Variants in ADCY5 observed in about 807,000 individuals in gnomAD.
ADCY5 encodes the protein adenylate cyclase 5, also known as adenylate cyclase type 5.
ADCY5 carries 30 observed loss-of-function variants against 119.7 expected under a neutral mutation model. The observed-to-expected ratio is 0.25, with a 90% CI of 0.19 to 0.34. ADCY5 has a LOEUF of 0.34. ADCY5 is among the 10% of genes least tolerant of loss of function. The pLI is 1.00. For missense variants in ADCY5, 1,324 were observed against 1,775.2 expected (o/e 0.75, Z 4.57); for synonymous variants, 753 against 762.2 (o/e 0.99, Z 0.20).
intron 1 of ADCY5, among the ~76,000 whole-genome samples, chr3:123,445,491 C>T (rs1418660676): frequency 6.6e-6 from 1 of 152,144 alleles, no homozygotes. Context: ...GGATGACATG[C>T]CCCTTCCTCT....
At chr3:123,445,177 C>CTT (rs1213192828) in intron 1 of ADCY5, among the ~76,000 whole-genome samples, 1 of 152,192 alleles carries the variant, frequency 6.6e-6, no homozygotes, top group African/African-American at 2.4e-5. Context: ...ATCCTACAGC[C>CTT]TTGCAAAAGT....
chr3:123,447,330 G>T (rs751450328), intron 1 of ADCY5, 82 bp downstream of exon 1: 1 of 1,359,446 alleles, frequency 7.4e-7, no homozygotes, highest in Non-Finnish European at 9.7e-7. Context: ...TCGAAAGGGT[G>T]AGGGTGGGAT....
chr3:123,383,948 T>A (rs60496964), intron 1 of ADCY5, among the ~76,000 whole-genome samples: 1 of 148,696 alleles, frequency 6.7e-6, no homozygotes. Flanking sequence ...CACACCCTTC[T>A]GCAAGGCACG....
At position 123,352,322 on chromosome 3, in the gene ADCY5, T is replaced by G. The variant is rs1942865629; in HGVS notation, c.1284+110A>C. 7.4e-7 allele frequency: 1 copy of G among 1,354,738 alleles called. No individual in the cohort carries two copies. Among genetic ancestry groups the G allele is most frequent in the African/African-American group, 1.5e-5 (1 of 68,852 alleles). The allele number at this position is 1,354,738 out of a possible 1,614,324, so 83.9% of individuals were successfully genotyped here. A position where few individuals can be genotyped will look rare whatever the true frequency, so the allele number is the denominator to read the frequency against. On this transcript the variant is annotated intron_variant, in intron 2 of 20. Coordinates refer to ENST00000462833, the MANE Select transcript of ADCY5 (RefSeq NM_183357.3). This position sits in a 1 kb window ranked among gnomAD's most constrained non-coding sequence, Gnocchi z 4.8. ...CATGGGTTGGTCCCCTCCCGGGGAG[T>G]GGGGCTGGCAGCCGTAATAAGCACT...
intron 1 of ADCY5, among the ~76,000 whole-genome samples, chr3:123,384,537 G>A (rs934281666): frequency 6.6e-6 from 1 of 152,160 alleles, no homozygotes; most frequent in Non-Finnish European, 1.5e-5. Context: ...GGTCACAAGG[G>A]CCGGAACTAG....
chr3:123,442,947 C>T (rs902438438), intron 1 of ADCY5, among the ~76,000 whole-genome samples: 3 of 152,228 alleles, frequency 2.0e-5, no homozygotes, highest in Non-Finnish European at 4.4e-5. Flanking sequence ...CCTGCTGCTG[C>T]GCTGGGGTTG....
chr3:123,325,178 G>T, intron 8 of ADCY5, 144 bp downstream of exon 8: 1 of 1,113,420 alleles, frequency 9.0e-7, no homozygotes, highest in Non-Finnish European at 1.3e-6. Flanking sequence ...CTAGTCCAAA[G>T]TTGGGGCAAA....
Position 123,314,341 on chromosome 3 carries a change from G to C in ADCY5, c.2355-19C>G. 1 of 1,592,766 alleles carries C rather than the reference G, an allele frequency of 6.3e-7. No homozygotes were observed. Among genetic ancestry groups the C allele is most frequent in the Non-Finnish European group, 8.6e-7 (1 of 1,162,892 alleles). On this transcript the variant is annotated intron_variant, in intron 11 of 20. Coordinates refer to ENST00000462833, the MANE Select transcript of ADCY5 (RefSeq NM_183357.3). Reference sequence around the variant, plus strand: ...TATGGAGCTGGAAGGAGAGAGGAGGGGAGGGAGAAGCCAGGCTCAGGTGGC... The same window carrying C: ...TATGGAGCTGGAAGGAGAGAGGAGGCGAGGGAGAAGCCAGGCTCAGGTGGC...
intron 1 of ADCY5, among the ~76,000 whole-genome samples, chr3:123,423,369 G>A (rs1033995163): frequency 1.2e-4 from 19 of 152,208 alleles, no homozygotes; most frequent in South Asian, 1.2e-3. Flanking sequence ...ATTCTGCGCC[G>A]TGGGAGGTGG....
chr3:123,331,984 C>T (rs1208669305), intron 4 of ADCY5, among the ~76,000 whole-genome samples: 2 of 152,174 alleles, frequency 1.3e-5, no homozygotes, highest in Non-Finnish European at 2.9e-5. Flanking sequence ...CTACAAAGGC[C>T]TAGAGCTGGG....
At chr3:123,390,509 G>A (rs1166882217) in intron 1 of ADCY5, among the ~76,000 whole-genome samples, 1 of 152,222 alleles carries the variant, frequency 6.6e-6, no homozygotes, top group African/African-American at 2.4e-5. Context: ...ATGGTTTTGA[G>A]CTTTCTCTGC....
intron 8 of ADCY5, among the ~76,000 whole-genome samples, chr3:123,323,910 G>A (rs919266982): frequency 1.7e-4 from 26 of 152,110 alleles, no homozygotes; most frequent in African/African-American, 6.3e-4. Flanking sequence ...TGATCATGTG[G>A]GTACAGAGTC....
chr3:123,290,344 C>A (rs896668709), intron 18 of ADCY5, among the ~76,000 whole-genome samples: 1 of 152,236 alleles, frequency 6.6e-6, no homozygotes, highest in Admixed American at 6.5e-5. Flanking sequence ...CTCCTGGAAG[C>A]CTTCCCACAC....
Position 123,448,665 on chromosome 3 carries a change from C to G in ADCY5, c.-120G>C. ...CTAGGGTCACACGTCGGGGGCGGCC[C>G]GGGGCCCTGCGCTGCAGCGGGGCAT... On this transcript the variant is annotated 5_prime_UTR_variant, in exon 1 of 21. Transcript: ENST00000462833. The G allele has an allele frequency of 1.1e-6, 1 of 917,828 alleles. No individual in the cohort carries two copies. Among genetic ancestry groups the G allele is most frequent in the South Asian group, 5.3e-5 (1 of 18,802 alleles). 56.9% of individuals were successfully genotyped at this position (917,828 alleles called of 1,614,324 possible).
intron 1 of ADCY5, among the ~76,000 whole-genome samples, chr3:123,409,634 G>C (rs1186997483): frequency 6.6e-6 from 1 of 152,194 alleles, no homozygotes; most frequent in East Asian, 1.9e-4. Context: ...CCAGGAAGCA[G>C]CTAGACATGC....
rs537208484 is a variant in ADCY5 at position 123,377,394 on chromosome 3, T to G, written c.1135-24813A>C. The stretch of plus-strand genomic sequence containing the variant: ...AAGAAAACCCCACCCCACCTTTCTT[T>G]GCCCAGTTACCTCCTACTCTTCCTG... On this transcript the variant is annotated intron_variant, in intron 1 of 20. Transcript: ENST00000462833. Among the ~76,000 whole-genome samples the G allele has an allele frequency of 4.6e-5, 7 of 152,314 alleles. No homozygotes were observed. In the East Asian group the frequency reaches 1.4e-3, roughly 29 times the overall value.
intron 7 of ADCY5, among the ~76,000 whole-genome samples, chr3:123,326,787 TCCC>T (rs1237589885): frequency 4.3e-5 from 2 of 46,176 alleles, no homozygotes; most frequent in Non-Finnish European, 1.8e-4. Context: ...GGATAAGGTG[TCCC>T]TCTGATGTCC....
At chr3:123,296,340 A>C in intron 16 of ADCY5, 124 bp from the exon 17 acceptor site, 2 of 1,138,332 alleles carry the variant, frequency 1.8e-6, no homozygotes, top group Non-Finnish European at 2.4e-6. Context: ...CCTCTTCCTT[A>C]TCCCCCTGCT....
chr3:123,423,466 G>A (rs892431367), intron 1 of ADCY5, among the ~76,000 whole-genome samples: 9 of 152,198 alleles, frequency 5.9e-5, no homozygotes, highest in African/African-American at 2.2e-4. Context: ...AGGCGCCGAG[G>A]ACTGGGCAGC....
Sources: allele counts gnomAD v4.1 joint callset (sites outside exome capture counted in the v4.1 genomes callset), GRCh38; gene constraint gnomAD v4.1.1; non-coding constraint Gnocchi (gnomAD v3.1); transcripts MANE v1.5; gene names NCBI Gene and HGNC (gene_info 2026-07-23, HGNC 2026-07-21).